The following INO80 variants were observed in gnomAD, a reference collection of about 807,000 sequenced individuals.
INO80 encodes INO80 complex ATPase subunit.
Under a neutral mutation model 203.4 loss-of-function variants are expected in INO80, and 20 were observed. That is an observed-to-expected ratio of 0.10 (90% CI 0.07 to 0.14). The LOEUF (loss-of-function observed/expected upper bound fraction) is 0.14, where lower values mean the gene tolerates loss of function less well. Among genes scored for constraint, INO80 ranks in the 10% least tolerant of loss-of-function variants. The pLI, the probability that INO80 is intolerant of heterozygous loss-of-function variation, is 1.00. For missense variants in INO80, 1,419 were observed against 1,914.4 expected (o/e 0.74, Z 4.83); for synonymous variants, 726 against 685.2 (o/e 1.06, Z -0.93).
intron 24 of INO80, among the ~76,000 whole-genome samples, chr15:41,037,249 C>T (rs1445577540): frequency 6.6e-6 from 1 of 151,216 alleles, no homozygotes; most frequent in African/African-American, 2.4e-5. Context: ...TGGCTCAAGC[C>T]TATAATTCCA....
intron 1 of INO80, among the ~76,000 whole-genome samples, chr15:41,109,426 G>C (rs1324482791): frequency 6.6e-6 from 1 of 151,966 alleles, no homozygotes; most frequent in Admixed American, 6.6e-5. Context: ...ACTACAGCCT[G>C]GGCGACAGAG....
chr15:41,013,501 A>G (rs2044161225), intron 27 of INO80, among the ~76,000 whole-genome samples: 1 of 152,206 alleles, frequency 6.6e-6, no homozygotes, highest in African/African-American at 2.4e-5. Flanking sequence ...ACGCAGACCT[A>G]GTGCTGCACC....
intron 19 of INO80, among the ~76,000 whole-genome samples, chr15:41,053,519 A>G (rs919738404): frequency 2.0e-5 from 3 of 152,226 alleles, no homozygotes; most frequent in Admixed American, 6.5e-5. Flanking sequence ...TAGGTGTGAT[A>G]ATGGCATGTG....
chr15:41,097,994 GT>G (rs1159526075), intron 1 of INO80, among the ~76,000 whole-genome samples: 21 of 152,038 alleles, frequency 1.4e-4, no homozygotes, highest in Non-Finnish European at 1.5e-5. Flanking sequence ...GAAATGATAA[GT>G]TTTTTTGTTT....
At chr15:40,985,250 CAAGAT>C in intron 32 of INO80, 83 bp downstream of exon 32, 2 of 891,638 alleles carry the variant, frequency 2.2e-6, no homozygotes, top group Non-Finnish European at 3.8e-6. Flanking sequence ...AACCAGTAAC[CAAGAT>C]GAGAAGCCAT....
intron 1 of INO80, among the ~76,000 whole-genome samples, chr15:41,106,252 C>T (rs1405072017): frequency 6.6e-6 from 1 of 151,864 alleles, no homozygotes; most frequent in African/African-American, 2.4e-5. Context: ...CACGTGGTGG[C>T]GAGCACCTAT....
At chr15:41,065,869 T>G (rs573142273) in intron 14 of INO80, among the ~76,000 whole-genome samples, 1 of 151,994 alleles carries the variant, frequency 6.6e-6, no homozygotes, top group Non-Finnish European at 1.5e-5. Context: ...ACAAGGTGAA[T>G]AGAACGTGAT....
intron 34 of INO80, 96 bp from the exon 35 acceptor site, chr15:40,983,173 T>C: frequency 2.0e-5 from 20 of 997,972 alleles, no homozygotes; most frequent in Non-Finnish European, 2.9e-5. Context: ...AAGCGAGCTC[T>C]TAGGGCATTT....
chr15:41,055,186 G>T (rs986314287), intron 18 of INO80, 61 bp downstream of exon 18: 5 of 794,796 alleles, frequency 6.3e-6, no homozygotes, highest in African/African-American at 5.2e-5. Context: ...AAGAAAATAT[G>T]CAATTACGTG....
rs190960789 is a variant in INO80 at position 41,104,980 on chromosome 15, T to C, written c.-43-8627A>G. 1.4e-3 allele frequency among the ~76,000 whole-genome samples: 217 copies of C among 152,342 alleles called. 2 individuals carry two copies. Among genetic ancestry groups the C allele is most frequent in the African/African-American group, 5.0e-3 (208 of 41,588 alleles). On this transcript the variant is annotated intron_variant, in intron 1 of 35. Transcript: ENST00000648947. Reference sequence around the variant, plus strand: ...AGTGTGGGTAGTAACAGACAAGTTATGTAGAACTGTGCTCCTCAAAGAAGT... The same window carrying C: ...AGTGTGGGTAGTAACAGACAAGTTACGTAGAACTGTGCTCCTCAAAGAAGT...
At chr15:41,023,662 T>A (rs562153137) in intron 25 of INO80, among the ~76,000 whole-genome samples, 1 of 147,360 alleles carries the variant, frequency 6.8e-6, no homozygotes, top group African/African-American at 2.5e-5. Context: ...TCTGCTACTC[T>A]GGAGGCTGAG....
At chr15:41,104,048 G>C (rs946684126) in intron 1 of INO80, among the ~76,000 whole-genome samples, 1 of 151,482 alleles carries the variant, frequency 6.6e-6, no homozygotes, top group Non-Finnish European at 1.5e-5. Context: ...GAGAAACCTC[G>C]TCTCTACTAA....
chr15:41,047,703 T>C (rs2044793655), intron 22 of INO80, among the ~76,000 whole-genome samples: 1 of 152,212 alleles, frequency 6.6e-6, no homozygotes, highest in African/African-American at 2.4e-5. Context: ...AGATATGGCA[T>C]ATATATATGG....
chr15:41,042,523 G>C (rs1015284950), intron 24 of INO80, among the ~76,000 whole-genome samples: 2 of 152,106 alleles, frequency 1.3e-5, no homozygotes, highest in African/African-American at 4.8e-5. Context: ...ACCCAGGCTG[G>C]AGTGCAGTGG....
chr15:40,995,601 C>T (rs2043871275), intron 29 of INO80, among the ~76,000 whole-genome samples: 1 of 152,118 alleles, frequency 6.6e-6, no homozygotes, highest in Non-Finnish European at 1.5e-5. Flanking sequence ...AGAGTACCAG[C>T]ATAGCAAAGA....
intron 32 of INO80, among the ~76,000 whole-genome samples, chr15:40,985,102 T>C (rs1398757480): frequency 6.6e-6 from 1 of 152,070 alleles, no homozygotes; most frequent in African/African-American, 2.4e-5. Context: ...TGACAAATGG[T>C]TTCCATAATT....
At position 41,079,706 on chromosome 15, in the gene INO80, G is replaced by A. The variant is rs758451886; in HGVS notation, c.1126C>T (p.Arg376Trp). 9 of 1,613,634 alleles carry A rather than the reference G, an allele frequency of 5.6e-6. No individual in the cohort carries two copies. The highest frequency in any genetic ancestry group is 5.0e-5 in the Admixed American group (3 of 59,972). ...ATGTTATGCTTTTGCCCTACCTCCC[G>A]CATTTCCTCATCCAACTTCCGCTGC... The part of the protein sequence containing the change: ...LEQRKLDEEM[R>W]EAKRQQRKLN... The change falls in exon 9 of 36, where the codon CGG (arginine) becomes TGG (tryptophan). Residue 376 changes from arginine to tryptophan, a missense_variant. By Grantham distance (101) the Arg-to-Trp change is moderately radical (BLOSUM62 -3). Coordinates refer to ENST00000648947, the MANE Select transcript of INO80 (RefSeq NM_017553.3).
chr15:41,049,052 C>A (rs1023364316), intron 21 of INO80, among the ~76,000 whole-genome samples: 12 of 152,208 alleles, frequency 7.9e-5, no homozygotes, highest in Non-Finnish European at 1.8e-4. Flanking sequence ...CAAATTGGTG[C>A]ACATTCCTGA....
In INO80 at chr15:40,980,268, C is replaced by T. The variant is rs1234551679; in HGVS notation, c.4626G>A (p.Leu1542=). 7 of 1,613,388 alleles carry T rather than the reference C, an allele frequency of 4.3e-6. No individual in the cohort carries two copies. The African/African-American group carries it at 9.3e-5, about 22-fold the overall frequency. ...TGGTGCCTTTGCCCTGTTTCCGGACCAGAGAGTCTGGGGCTAGGCTGCTGG... is the reference window on the plus strand; with the variant it reads ...TGGTGCCTTTGCCCTGTTTCCGGACTAGAGAGTCTGGGGCTAGGCTGCTGG... ...HMTSSLAPDS[L]VRKQGKGTNP... is the part of the protein sequence containing the mutation. The change falls in exon 36 of 36, where the codon CTG becomes CTA. Residue 1542 remains leucine (L), a synonymous_variant. Transcript: ENST00000648947.
Sources: allele counts gnomAD v4.1 joint callset (sites outside exome capture counted in the v4.1 genomes callset), GRCh38; gene constraint gnomAD v4.1.1; transcripts MANE v1.5; gene names NCBI Gene and HGNC (gene_info 2026-07-23, HGNC 2026-07-21).